The following SHISA9 variants were observed in gnomAD, a reference collection of about 807,000 sequenced individuals.
SHISA9 encodes the protein protein shisa-9.
Under a neutral mutation model 38.0 loss-of-function variants are expected in SHISA9, and 13 were observed. That is an observed-to-expected ratio of 0.34 (90% confidence interval 0.22 to 0.54). SHISA9 has a LOEUF of 0.54. Ranked by LOEUF, SHISA9 falls within the 20% of genes least tolerant of loss-of-function variation. The probability of loss-of-function intolerance (pLI) is 0.91; values close to 1 mark genes in which losing one functional copy is unlikely to be tolerated. For synonymous variants in SHISA9, 275 were observed against 242.0 expected, an observed-to-expected ratio of 1.14 and a Z score of -1.27; for missense variants, 538 against 575.8, an observed-to-expected ratio of 0.93 and a Z score of 0.67.
chr16:13,428,906 C>G, the SHISA9 span, among the ~76,000 whole-genome samples: 4,658 of 151,996 alleles, frequency 0.031, 81 homozygotes, highest in Middle Eastern at 0.054. Flanking sequence ...GCTGGGATTA[C>G]AGGTGCATGC....
chr16:12,999,070 T>C (rs532410803), intron 2 of SHISA9, among the ~76,000 whole-genome samples: 5 of 152,294 alleles, frequency 3.3e-5, no homozygotes, highest in South Asian at 2.1e-4. Flanking sequence ...ATATTATTGG[T>C]TCATTAACAC....
intron 2 of SHISA9, among the ~76,000 whole-genome samples, chr16:12,996,128 T>C (rs1227464713): frequency 2.0e-5 from 3 of 152,250 alleles, no homozygotes; most frequent in African/African-American, 7.2e-5. Context: ...TGCTTTTTGA[T>C]GACAGTCTAC....
chr16:13,312,023 G>A, the SHISA9 span, among the ~76,000 whole-genome samples: 1 of 152,238 alleles, frequency 6.6e-6, no homozygotes, highest in African/African-American at 2.4e-5. Context: ...TCCAGGAAGA[G>A]AGGGGGACAA....
the SHISA9 span, among the ~76,000 whole-genome samples, chr16:13,542,847 A>G: frequency 7.9e-5 from 12 of 152,170 alleles, no homozygotes; most frequent in Non-Finnish European, 1.8e-4. Context: ...AGCAGCATCA[A>G]CTGAGAGCGT....
the SHISA9 span, among the ~76,000 whole-genome samples, chr16:13,485,303 G>A: frequency 2.6e-5 from 4 of 151,972 alleles, no homozygotes; most frequent in Admixed American, 6.6e-5. Flanking sequence ...TTGGTTTTCT[G>A]TTCCTGTGTT....
At chr16:13,170,290 C>T (rs920957886) in intron 2 of SHISA9, among the ~76,000 whole-genome samples, 1 of 152,026 alleles carries the variant, frequency 6.6e-6, no homozygotes, top group Non-Finnish European at 1.5e-5. Flanking sequence ...TACTGAGCCA[C>T]TCTGCATGCC....
At chr16:13,497,684 C>A in the SHISA9 span, among the ~76,000 whole-genome samples, 133 of 84,924 alleles carry the variant, frequency 1.6e-3, 1 homozygote, top group Middle Eastern at 6.3e-3. Context: ...CACTCCGTCT[C>A]CAAAAAAAAA....
chr16:13,396,826 C>G, the SHISA9 span, among the ~76,000 whole-genome samples: 1 of 152,138 alleles, frequency 6.6e-6, no homozygotes, highest in Non-Finnish European at 1.5e-5. Flanking sequence ...GGCACCCTCC[C>G]TCCCCATGAG....
At chr16:13,531,931 T>C in the SHISA9 span, among the ~76,000 whole-genome samples, 1 of 152,232 alleles carries the variant, frequency 6.6e-6, no homozygotes, top group South Asian at 2.1e-4. Flanking sequence ...CCAGCTGCCT[T>C]CTTTGTCTCA....
intron 2 of SHISA9, among the ~76,000 whole-genome samples, chr16:13,060,507 T>C (rs2073361345): frequency 6.6e-6 from 1 of 151,838 alleles, no homozygotes; most frequent in Non-Finnish European, 1.5e-5. Flanking sequence ...GGTGCTTGGG[T>C]ACAGCAAGCC....
At chr16:13,477,834 G>A in the SHISA9 span, among the ~76,000 whole-genome samples, 4 of 152,150 alleles carry the variant, frequency 2.6e-5, no homozygotes, top group Admixed American at 2.6e-4. Flanking sequence ...GCATGGTGGT[G>A]TGCACCTATA....
chr16:13,320,376 G>T, the SHISA9 span, among the ~76,000 whole-genome samples: 7 of 149,570 alleles, frequency 4.7e-5, no homozygotes, highest in Admixed American at 1.3e-4. Flanking sequence ...TTCCAATTCA[G>T]GTTTCTCTCT....
chr16:13,281,907 T>G, the SHISA9 span, among the ~76,000 whole-genome samples: 1 of 151,866 alleles, frequency 6.6e-6, no homozygotes, highest in African/African-American at 2.4e-5. Context: ...ACCCTTATGA[T>G]GCTTTATATA....
chr16:12,948,843 GA>G (rs1020170769), intron 2 of SHISA9, among the ~76,000 whole-genome samples: 9 of 151,916 alleles, frequency 5.9e-5, no homozygotes, highest in Admixed American at 5.2e-4. Context: ...GTTCATATCT[GA>G]AAAAACACAT....
At chr16:13,272,083 A>T in the SHISA9 span, among the ~76,000 whole-genome samples, 1 of 136,794 alleles carries the variant, frequency 7.3e-6, no homozygotes, top group Admixed American at 8.2e-5. Context: ...AAATTAAAAA[A>T]AAAAAAAAAG....
At chr16:13,161,386 C>T (rs953178176) in intron 2 of SHISA9, among the ~76,000 whole-genome samples, 1 of 152,176 alleles carries the variant, frequency 6.6e-6, no homozygotes, top group African/African-American at 2.4e-5. Flanking sequence ...CGTCCTCACT[C>T]ATCTGTCCTG....
At chr16:13,328,561 C>T in the SHISA9 span, among the ~76,000 whole-genome samples, 1 of 151,042 alleles carries the variant, frequency 6.6e-6, no homozygotes, top group East Asian at 1.9e-4. Flanking sequence ...TACAGGTGCC[C>T]ACCACCACGC....
intron 2 of SHISA9, among the ~76,000 whole-genome samples, chr16:13,153,286 A>G (rs141520200): frequency 3.9e-5 from 6 of 152,322 alleles, no homozygotes; most frequent in African/African-American, 1.4e-4. Flanking sequence ...AAAAAACAAA[A>G]AAAACCACAT....
At chr16:13,284,858 C>G in the SHISA9 span, among the ~76,000 whole-genome samples, 4 of 152,198 alleles carry the variant, frequency 2.6e-5, no homozygotes, top group African/African-American at 9.6e-5. Context: ...TTTGGCCTCC[C>G]AAACAGCTGG....
Sources: allele counts gnomAD v4.1 joint callset (sites outside exome capture counted in the v4.1 genomes callset), GRCh38; gene constraint gnomAD v4.1.1; transcripts MANE v1.5; gene names NCBI Gene and HGNC (gene_info 2026-07-23, HGNC 2026-07-21).